CNPY1: variants seen among roughly 807,000 people sequenced by gnomAD.
The protein encoded by CNPY1 is protein canopy homolog 1.
Under a neutral mutation model 14.4 loss-of-function variants are expected in CNPY1, and 14 were observed. The observed-to-expected ratio is 0.97, with a 90% CI of 0.64 to 1.52. The LOEUF (loss-of-function observed/expected upper bound fraction) is 1.52, where lower values mean the gene tolerates loss of function less well. Among genes scored for constraint, CNPY1 ranks in the 40% most tolerant of loss-of-function variants. The pLI, the probability that CNPY1 is intolerant of heterozygous loss-of-function variation, is 0.00. For missense variants in CNPY1, 129 were observed against 131.5 expected (o/e 0.98, Z 0.09); for synonymous variants, 43 against 46.5 (o/e 0.92, Z 0.31).
chr7:155,506,652 T>C (rs1796321133), intron 4 of CNPY1: 1 of 201,534 alleles, frequency 5.0e-6, no homozygotes, highest in South Asian at 8.2e-5. Flanking sequence ...AGCCATGAAG[T>C]GAGGGTCTCC....
At chr7:155,534,856 G>A (rs1797004833) in intron 2 of CNPY1, among the ~76,000 whole-genome samples, 2 of 152,344 alleles carry the variant, frequency 1.3e-5, no homozygotes, top group Admixed American at 6.5e-5. Flanking sequence ...ACCAGGCTGG[G>A]GAGTCAGAGC....
chr7:155,539,058 C>T (rs903276062), intron 2 of CNPY1, among the ~76,000 whole-genome samples: 4 of 152,220 alleles, frequency 2.6e-5, no homozygotes, highest in African/African-American at 4.8e-5. Context: ...CTCCCCACCC[C>T]ACCCTGCCCA....
chr7:155,541,664 G>A (rs974668693), intron 2 of CNPY1, among the ~76,000 whole-genome samples: 1 of 152,206 alleles, frequency 6.6e-6, no homozygotes, highest in Non-Finnish European at 1.5e-5. Flanking sequence ...TGGGGCGACT[G>A]TCCATGGGTC....
chr7:155,518,275 AG>A (rs1316574286), intron 2 of CNPY1: 1 of 157,422 alleles, frequency 6.4e-6, no homozygotes, highest in Admixed American at 6.5e-5. Context: ...GTGCTAGTTT[AG>A]GAAGATGAGG....
intron 2 of CNPY1, among the ~76,000 whole-genome samples, chr7:155,520,908 C>G (rs760528310): frequency 5.3e-5 from 8 of 152,080 alleles, no homozygotes; most frequent in Non-Finnish European, 1.2e-4. Context: ...AGGCGGATCA[C>G]TTGAGGTCAG....
chr7:155,514,719 A>G (rs1392367916), intron 2 of CNPY1, among the ~76,000 whole-genome samples: 2 of 151,932 alleles, frequency 1.3e-5, no homozygotes, highest in African/African-American at 2.4e-5. Flanking sequence ...ACATGGAGAG[A>G]CCCGGTCTCT....
chr7:155,520,741 C>G (rs539318671), intron 2 of CNPY1, among the ~76,000 whole-genome samples: 8 of 152,238 alleles, frequency 5.3e-5, no homozygotes, highest in African/African-American at 1.9e-4. Context: ...TGTCTTCCCT[C>G]TTGATGCTGT....
intron 2 of CNPY1, among the ~76,000 whole-genome samples, chr7:155,521,083 G>T (rs111881975): frequency 4.7e-4 from 56 of 120,146 alleles, no homozygotes; most frequent in Non-Finnish European, 8.8e-4. Context: ...AGGAAGCAAG[G>T]AAGGAAGGAA....
At chr7:155,504,154 T>G (rs544225155) in intron 4 of CNPY1, among the ~76,000 whole-genome samples, 1 of 152,254 alleles carries the variant, frequency 6.6e-6, no homozygotes, top group South Asian at 2.1e-4. Context: ...AAAAACAGAG[T>G]ACATTTGATG....
rs578238159 is a variant in CNPY1, at chr7:155,502,699, T to A, written c.*369A>T. On this transcript the variant is annotated 3_prime_UTR_variant, in exon 5 of 5. Transcript: ENST00000636446. The stretch of plus-strand genomic sequence containing the variant: ...AGTTCTTATCAGACAGCCACTGCGC[T>A]TGCATATGTGCACATACACTGTTAT... The A allele has an allele frequency of 5.2e-6, 1 of 192,350 alleles. No individual in the cohort carries two copies. The highest frequency in any genetic ancestry group is 2.3e-5 in the African/African-American group (1 of 42,980). The allele number at this position is 192,350 out of a possible 1,614,324, so 11.9% of individuals were successfully genotyped here.
intron 2 of CNPY1, among the ~76,000 whole-genome samples, chr7:155,544,376 G>A (rs576051444): frequency 1.4e-4 from 22 of 152,348 alleles, no homozygotes; most frequent in African/African-American, 5.1e-4. Flanking sequence ...TCAGGGCTCT[G>A]CGGTCATTTC....
At chr7:155,531,397 A>C (rs1450937893) in intron 2 of CNPY1, among the ~76,000 whole-genome samples, 1 of 152,228 alleles carries the variant, frequency 6.6e-6, no homozygotes, top group Non-Finnish European at 1.5e-5. Flanking sequence ...ACATGTAGGT[A>C]ATTAGGCTAG....
intron 2 of CNPY1, among the ~76,000 whole-genome samples, chr7:155,525,374 A>G (rs546795555): frequency 6.6e-6 from 1 of 152,202 alleles, no homozygotes; most frequent in South Asian, 2.1e-4. Flanking sequence ...TCTCCATGTC[A>G]GTCAGGCTGG....
At chr7:155,531,177 C>G (rs1312057649) in intron 2 of CNPY1, among the ~76,000 whole-genome samples, 1 of 152,214 alleles carries the variant, frequency 6.6e-6, no homozygotes, top group Non-Finnish European at 1.5e-5. Flanking sequence ...GCGTGCCCTG[C>G]GTCCTCAGGC....
At chr7:155,542,371 TC>T (rs1797094489) in intron 2 of CNPY1, among the ~76,000 whole-genome samples, 2 of 152,082 alleles carry the variant, frequency 1.3e-5, no homozygotes, top group Non-Finnish European at 2.9e-5. Flanking sequence ...CACCCCTTGC[TC>T]ATGGGCGGGC....
intron 2 of CNPY1, among the ~76,000 whole-genome samples, chr7:155,531,330 T>C (rs1178319652): frequency 6.6e-6 from 1 of 152,236 alleles, no homozygotes; most frequent in Non-Finnish European, 1.5e-5. Context: ...GTAATTGCCT[T>C]CCGTGCTAAA....
intron 2 of CNPY1, among the ~76,000 whole-genome samples, chr7:155,514,835 G>A (rs138574591): frequency 0.035 from 5,316 of 152,022 alleles, 137 homozygotes; most frequent in Non-Finnish European, 0.048. Flanking sequence ...TGGAGGTTGC[G>A]GTGAGCCGAG....
Position 155,501,876 on chromosome 7 carries a change from C to T in CNPY1, c.*1192G>A, listed in dbSNP as rs1796121241. 1 of 151,740 alleles carries T rather than the reference C, an allele frequency of 6.6e-6. No individual in the cohort carries two copies. 9.4% of individuals were successfully genotyped at this position (151,740 alleles called of 1,614,324 possible). ...GGGCATGGAAAGCCCTTCCCCTTAGCTTTGGTAAATTTTCCTAAATTTAAG... is the reference window on the plus strand; with the variant it reads ...GGGCATGGAAAGCCCTTCCCCTTAGTTTTGGTAAATTTTCCTAAATTTAAG... On this transcript the variant is annotated 3_prime_UTR_variant, in exon 5 of 5. Coordinates refer to ENST00000636446, the MANE Select transcript of CNPY1 (RefSeq NM_001393663.1).
At position 155,546,015 on chromosome 7, in the gene CNPY1, T is replaced by C. The variant is rs552201304; in HGVS notation, c.-14-72A>G. On this transcript the variant is annotated intron_variant, in intron 1 of 4. Transcript: ENST00000636446. ...GAGCCGGGCCTGTGGAGTGGCTTCC[T>C]CTGTGCCACCCTCTAGCTAGAACAG... is the stretch of plus-strand genomic sequence containing the variant. 4 of 398,498 alleles carry C rather than the reference T, an allele frequency of 1.0e-5. No individual in the cohort carries two copies. The East Asian group carries it at 1.4e-4, about 14-fold the overall frequency. 24.7% of individuals were successfully genotyped at this position (398,498 alleles called of 1,614,324 possible).
Sources: allele counts gnomAD v4.1 joint callset (sites outside exome capture counted in the v4.1 genomes callset), GRCh38; gene constraint gnomAD v4.1.1; transcripts MANE v1.5; gene names NCBI Gene and HGNC (gene_info 2026-07-23, HGNC 2026-07-21).